The following MTERF3 variants were observed in gnomAD, a reference collection of about 807,000 sequenced individuals.
MTERF3 encodes mitochondrial transcription termination factor 3, also known as transcription termination factor 3, mitochondrial.
A neutral mutation model predicts 40.5 loss-of-function variants in MTERF3; 40 were observed. The ratio of observed to expected loss-of-function variants is 0.99; its 90% CI spans 0.77 to 1.29. The LOEUF (loss-of-function observed/expected upper bound fraction) is 1.29. Ranked by LOEUF, MTERF3 falls within the 50% of genes most tolerant of loss-of-function variation. The probability of loss-of-function intolerance (pLI) is 0.00; values close to 1 mark genes in which losing one functional copy is unlikely to be tolerated. For synonymous variants in MTERF3, 158 were observed against 166.6 expected, an observed-to-expected ratio of 0.95 and a Z score of 0.40; for missense variants, 452 against 478.2, an observed-to-expected ratio of 0.95 and a Z score of 0.51.
At chr8:96,252,238 A>G (rs1315896174) in intron 3 of MTERF3, among the ~76,000 whole-genome samples, 5 of 152,244 alleles carry the variant, frequency 3.3e-5, no homozygotes, top group African/African-American at 9.6e-5. Context: ...CGCACACTCA[A>G]TGAAGATGAG....
intron 4 of MTERF3, among the ~76,000 whole-genome samples, chr8:96,249,294 C>T (rs142229712): frequency 7.2e-4 from 109 of 152,262 alleles, no homozygotes; most frequent in African/African-American, 2.4e-3. Flanking sequence ...AATGGTGCAG[C>T]GTGTGAAATG....
chr8:96,254,018 TAAGA>T (rs1810236620), intron 3 of MTERF3, among the ~76,000 whole-genome samples: 1 of 151,910 alleles, frequency 6.6e-6, no homozygotes, highest in Non-Finnish European at 1.5e-5. Context: ...AAAAAAAAGA[TAAGA>T]CAGGGACTGT....
At chr8:96,251,501 T>A (rs1462054213) in intron 3 of MTERF3, among the ~76,000 whole-genome samples, 2 of 152,358 alleles carry the variant, frequency 1.3e-5, no homozygotes, top group South Asian at 2.1e-4. Context: ...AGATTTTATT[T>A]TTCCTTAGTT....
intron 3 of MTERF3, among the ~76,000 whole-genome samples, chr8:96,255,849 G>A (rs7838479): frequency 0.31 from 46,655 of 151,976 alleles, 8,148 homozygotes; most frequent in Non-Finnish European, 0.39. Context: ...CAGCCTTATC[G>A]GAGAGGAGAA....
At chr8:96,248,841 A>G (rs538703739) in intron 4 of MTERF3, among the ~76,000 whole-genome samples, 1 of 152,368 alleles carries the variant, frequency 6.6e-6, no homozygotes, top group African/African-American at 2.4e-5. Flanking sequence ...TGTTATAGAA[A>G]TAAGACTGCT....
intron 3 of MTERF3, among the ~76,000 whole-genome samples, chr8:96,255,150 T>C (rs536325777): frequency 1.3e-5 from 2 of 152,258 alleles, no homozygotes; most frequent in African/African-American, 4.8e-5. Context: ...TGGAAAGATA[T>C]CAGAGCCAAT....
intron 7 of MTERF3, chr8:96,239,910 C>A: frequency 1.5e-6 from 1 of 681,996 alleles, no homozygotes; most frequent in Non-Finnish European, 2.6e-6. Context: ...TAATTCAGGG[C>A]TATACTGTGT....
intron 3 of MTERF3, among the ~76,000 whole-genome samples, chr8:96,255,640 A>G (rs1267265998): frequency 3.6e-5 from 5 of 139,390 alleles, no homozygotes; most frequent in African/African-American, 5.5e-5. Flanking sequence ...CAGTCTGAAG[A>G]AAAAAAAAAA....
At chr8:96,250,515 A>G (rs1430075688) in intron 4 of MTERF3, among the ~76,000 whole-genome samples, 1 of 149,142 alleles carries the variant, frequency 6.7e-6, no homozygotes, top group East Asian at 2.0e-4. Flanking sequence ...GTTCGAGAAC[A>G]GCCTGGCCAA....
intron 7 of MTERF3, among the ~76,000 whole-genome samples, chr8:96,243,679 G>C (rs1229557646): frequency 2.0e-5 from 3 of 152,198 alleles, no homozygotes; most frequent in African/African-American, 7.2e-5. Flanking sequence ...GTAAAGTAGA[G>C]AAAAACATGA....
chr8:96,251,851 C>T (rs1029401054), intron 3 of MTERF3, among the ~76,000 whole-genome samples: 1 of 152,118 alleles, frequency 6.6e-6, no homozygotes, highest in Middle Eastern at 3.2e-3. Context: ...TTAAGATGCC[C>T]ATGAACAGTA....
chr8:96,251,230 T>A, intron 3 of MTERF3, 135 bp from the exon 4 acceptor site: 1 of 622,362 alleles, frequency 1.6e-6, no homozygotes, highest in Non-Finnish European at 2.5e-6. Flanking sequence ...AATAGAAACT[T>A]CTAAATATTT....
At chr8:96,253,424 G>A (rs918093146) in intron 3 of MTERF3, among the ~76,000 whole-genome samples, 4 of 152,098 alleles carry the variant, frequency 2.6e-5, no homozygotes, top group Non-Finnish European at 5.9e-5. Flanking sequence ...TGTCCTGTAG[G>A]TGCCTCCCAC....
intron 3 of MTERF3, 21 bp downstream of exon 3, chr8:96,256,941 T>C (rs1810289369): frequency 6.3e-7 from 1 of 1,587,860 alleles, no homozygotes; most frequent in Admixed American, 1.9e-5. Flanking sequence ...CAAAAAGTAC[T>C]TGTAGTTTAG....
At chr8:96,246,915 T>C (rs941761154) in intron 4 of MTERF3, among the ~76,000 whole-genome samples, 1 of 151,854 alleles carries the variant, frequency 6.6e-6, no homozygotes, top group African/African-American at 2.4e-5. Context: ...AAATAATGGT[T>C]ATAACTGAGA....
At chr8:96,256,751 G>A (rs886946349) in intron 3 of MTERF3, among the ~76,000 whole-genome samples, 1 of 152,172 alleles carries the variant, frequency 6.6e-6, no homozygotes. Flanking sequence ...CAGAAAGAAT[G>A]ATACAAGTTA....
At chr8:96,260,886 G>C (rs1810371987) in intron 1 of MTERF3, among the ~76,000 whole-genome samples, 1 of 152,180 alleles carries the variant, frequency 6.6e-6, no homozygotes, top group African/African-American at 2.4e-5. Flanking sequence ...TCTAATGTTT[G>C]CGGAATGGAA....
At position 96,246,291 on chromosome 8, in the gene MTERF3, C is replaced by G; in HGVS notation, c.825+16G>C. 1 of 1,580,122 alleles carries G rather than the reference C, an allele frequency of 6.3e-7. No individual in the cohort carries two copies. The highest frequency in any genetic ancestry group is 8.6e-7 in the Non-Finnish European group (1 of 1,169,200). Reference sequence around the variant, plus strand: ...TACCTGACATGGAAATAAACAAATTCTCTCCTTTTCTTTACCTTCTTCACA... The same window carrying G: ...TACCTGACATGGAAATAAACAAATTGTCTCCTTTTCTTTACCTTCTTCACA... On this transcript the variant is annotated intron_variant, in intron 5 of 7. Coordinates refer to ENST00000287025, the MANE Select transcript of MTERF3 (RefSeq NM_015942.5).
chr8:96,243,918 C>T lies in MTERF3; in HGVS notation c.1059+1G>A, dbSNP rs748912647. ...ACAGAGAGAGCTGTGAGTGGCATTACCTGTGGGAACTTGACAATGATGTGG... is the reference window on the plus strand; with the variant it reads ...ACAGAGAGAGCTGTGAGTGGCATTATCTGTGGGAACTTGACAATGATGTGG... On this transcript the variant is annotated splice_donor_variant, in intron 7 of 7. Transcript: ENST00000287025. LOFTEE classifies it high-confidence loss of function. 1 of 1,613,352 alleles carries T rather than the reference C, an allele frequency of 6.2e-7. No individual in the cohort carries two copies. Among genetic ancestry groups the T allele is most frequent in the South Asian group, 1.1e-5 (1 of 90,870 alleles).
Sources: allele counts gnomAD v4.1 joint callset (sites outside exome capture counted in the v4.1 genomes callset), GRCh38; gene constraint gnomAD v4.1.1; transcripts MANE v1.5; gene names NCBI Gene and HGNC (gene_info 2026-07-23, HGNC 2026-07-21).